Variants in SCT observed in about 807,000 individuals in gnomAD.
SCT encodes secretin.
SCT carries 17 observed loss-of-function variants against 10.9 expected under a neutral mutation model. The observed-to-expected ratio is 1.55, with a 90% confidence interval of 1.06 to 2.33. The LOEUF (loss-of-function observed/expected upper bound fraction) is 2.33, where lower values mean the gene tolerates loss of function less well. Ranked by LOEUF, SCT falls within the 30% of genes most tolerant of loss-of-function variation. SCT has a pLI of 0.00. For missense variants in SCT, 230 were observed against 165.9 expected (o/e 1.39, Z -2.12); for synonymous variants, 96 against 73.9 (o/e 1.30, Z -1.54).
Position 626,873 on chromosome 11 carries a change from C to T in SCT, c.173+15G>A, listed in dbSNP as rs1453166454. 1 of 1,544,470 alleles carries T rather than the reference C, an allele frequency of 6.5e-7. No individual in the cohort carries two copies. The highest frequency in any genetic ancestry group is 1.2e-5 in the South Asian group (1 of 83,934). Reference sequence around the variant, plus strand: ...GGGGCACCACGCCAGGACCCCCCACCCCACCCGGCCTCACCTGCGCTTCCC... The same window carrying T: ...GGGGCACCACGCCAGGACCCCCCACTCCACCCGGCCTCACCTGCGCTTCCC... On this transcript the variant is annotated intron_variant, in intron 2 of 3. Coordinates refer to ENST00000176195, the MANE Select transcript of SCT (RefSeq NM_021920.4).
chr11:626,680 G>T lies in SCT; in HGVS notation c.266+17C>A. 1.3e-6 allele frequency: 2 copies of T among 1,538,338 alleles called. No individual in the cohort carries two copies. The highest frequency in any genetic ancestry group is 1.8e-6 in the Non-Finnish European group (2 of 1,137,134). On this transcript the variant is annotated intron_variant, in intron 3 of 3. Coordinates refer to ENST00000176195, the MANE Select transcript of SCT (RefSeq NM_021920.4). ...GGTGGGGTCTGGAGTGGGGTCTGCG[G>T]TGGGGCGGGTGCTCACCAGGCCTGC...
rs1247698418 is a variant in SCT, at chr11:626,382, A to G, written c.*49T>C. On this transcript the variant is annotated 3_prime_UTR_variant, in exon 4 of 4. Coordinates refer to ENST00000176195, the MANE Select transcript of SCT (RefSeq NM_021920.4). ...TCTCCCCCATCCTGCCCCCCACCCC[A>G]AATGCAGCTGCGCTCCTGGGCCGGG... 3 of 1,423,538 alleles carry G rather than the reference A, an allele frequency of 2.1e-6. No homozygotes were observed. The highest frequency in any genetic ancestry group is 2.5e-5 in the East Asian group (1 of 40,226). 88.2% of individuals were successfully genotyped at this position (1,423,538 alleles called of 1,614,324 possible).
At chr11:626,838 C>T in intron 2 of SCT, 49 bp from the exon 3 acceptor site, 2 of 1,543,794 alleles carry the variant, frequency 1.3e-6, no homozygotes, top group Non-Finnish European at 1.8e-6. Flanking sequence ...GGGGGTCGCG[C>T]GTTGCTGCTG....
At position 626,942 on chromosome 11, in the gene SCT, A is replaced by T; in HGVS notation, c.119T>A (p.Leu40Gln). The T allele has an allele frequency of 6.8e-7, 1 of 1,475,904 alleles. No individual in the cohort carries two copies. Among genetic ancestry groups the T allele is most frequent in the African/African-American group, 1.4e-5 (1 of 70,976 alleles). The allele number at this position is 1,475,904 out of a possible 1,614,324, so 91.4% of individuals were successfully genotyped here. A position where few individuals can be genotyped will look rare whatever the true frequency, so the allele number is the denominator to read the frequency against. ...DGTFTSELSR[L>Q]REGARLQRLL... ...CCGCTGGAGCCGCGCGCCCTCCCGC[A>T]GGCGGCTGAGCTCGCTGGTGAACGT... The change falls in exon 2 of 4, where the codon CTG (leucine) becomes CAG (glutamine). Residue 40 changes from leucine (L) to glutamine (Q), a missense_variant. Transcript: ENST00000176195.
intron 2 of SCT, 23 bp from the exon 3 acceptor site, chr11:626,812 G>A: frequency 6.5e-7 from 1 of 1,548,070 alleles, no homozygotes; most frequent in African/African-American, 1.4e-5. Flanking sequence ...CCAAAACAGA[G>A]TTAGTCCTGG....
At chr11:626,675 C>T in intron 3 of SCT, 22 bp downstream of exon 3, 2 of 1,534,398 alleles carry the variant, frequency 1.3e-6, no homozygotes, top group Non-Finnish European at 1.8e-6. Context: ...GGAGTGGGGT[C>T]TGCGGTGGGG....
intron 3 of SCT, 77 bp downstream of exon 3, chr11:626,620 G>T (rs1283399486): frequency 6.8e-7 from 1 of 1,474,740 alleles, no homozygotes; most frequent in African/African-American, 1.4e-5. Flanking sequence ...CACCAGCGCT[G>T]ACCCGGGGAG....
rs777226341 is a variant in SCT at position 626,702 on chromosome 11, C to T, written c.261G>A (p.Gln87=). The change falls in exon 3 of 4, where the codon CAG becomes CAA. Residue 87 remains glutamine, a synonymous_variant. Coordinates refer to ENST00000176195, the MANE Select transcript of SCT (RefSeq NM_021920.4). The part of the protein sequence containing the change: ...CPSGSNMPIL[Q]AWMPLDGTWS... ...GCGGTGGGGCGGGTGCTCACCAGGC[C>T]TGCAGGATGGGCATGTTGGACCCTG... 2.6e-6 allele frequency: 4 copies of T among 1,548,922 alleles called. No homozygotes were observed. The highest frequency in any genetic ancestry group is 2.0e-5 in the Admixed American group (1 of 50,992).
chr11:627,124 A>G lies in SCT; in HGVS notation c.20T>C (p.Leu7Pro). Residue 7 changes from leucine (L) to proline (P), a missense_variant, in exon 1 of 4, where the codon CTG becomes CCG. By Grantham distance (98) the Leu-to-Pro change is moderately conservative (BLOSUM62 -3). Coordinates refer to ENST00000176195, the MANE Select transcript of SCT (RefSeq NM_021920.4). ...GCCCCCGAGGAGCAGCAGCAGCAGCAGGAGGGGCCGGGGGGCCATGGCGGG... is the reference window on the plus strand; with the variant it reads ...GCCCCCGAGGAGCAGCAGCAGCAGCGGGAGGGGCCGGGGGGCCATGGCGGG... MAPRPL[L>P]LLLLLLGGSA... is the part of the protein sequence containing the mutation. The G allele has an allele frequency of 1.3e-6, 1 of 795,600 alleles. No homozygotes were observed. The highest frequency in any genetic ancestry group is 1.6e-6 in the Non-Finnish European group (1 of 634,256). The allele number at this position is 795,600 out of a possible 1,614,324, so 49.3% of individuals were successfully genotyped here. A position where few individuals can be genotyped will look rare whatever the true frequency, so the allele number is the denominator to read the frequency against.
rs1338566688 is a variant in SCT at position 627,068 on chromosome 11, C to T, written c.71+5G>A. 1.6e-5 allele frequency: 19 copies of T among 1,199,752 alleles called. No individual in the cohort carries two copies. The East Asian group carries it at 6.4e-4, about 40-fold the overall frequency. The allele number at this position is 1,199,752 out of a possible 1,614,324, so 74.3% of individuals were successfully genotyped here. ...GGGGGCGGGCGGGCCTGGCGGGCGG[C>T]TCACCTGGGGGGCGCGGGGCGCGCG... On this transcript the variant is annotated splice_donor_5th_base_variant and intron_variant, in intron 1 of 3. Transcript: ENST00000176195.
rs1310727633 is a variant in SCT at position 626,486 on chromosome 11, G to A, written c.311C>T (p.Pro104Leu). Residue 104 changes from proline to leucine, a missense_variant, in exon 4 of 4, where the codon CCT (proline) becomes CTT (leucine). By Grantham distance (98) the Pro-to-Leu change is moderately conservative (BLOSUM62 -3). Coordinates refer to ENST00000176195, the MANE Select transcript of SCT (RefSeq NM_021920.4). ...GTWSPWLPPG[P>L]MVSEPAGAAA... ...AGCGCCAGCTGGTTCTGAAACCATA[G>A]GCCCAGGGGGCAGCCAGGGAGACCA... 2.6e-6 allele frequency: 4 copies of A among 1,560,280 alleles called. No homozygotes were observed. The highest frequency in any genetic ancestry group is 2.6e-6 in the Non-Finnish European group (3 of 1,151,960).
In SCT at chr11:626,789, G is replaced by A. The variant is rs1857765840; in HGVS notation, c.174C>T (p.Ser58=). 6.5e-7 allele frequency: 1 copy of A among 1,549,076 alleles called. No individual in the cohort carries two copies. The highest frequency in any genetic ancestry group is 2.4e-5 in the East Asian group (1 of 40,840). ...CCATGCTGTTCTCTGCGTCCTGCTC[G>A]CTGCCCCCCGCCCCAAAACAGAGTT... The part of the protein sequence containing the change: ...RLLQGLVGKR[S]EQDAENSMAW... The change falls in exon 3 of 4, where the codon AGC becomes AGT. Residue 58 remains serine (S), a splice_region_variant and synonymous_variant. Transcript: ENST00000176195.
chr11:627,023 C>T, intron 1 of SCT, 34 bp from the exon 2 acceptor site: 1 of 471,510 alleles, frequency 2.1e-6, no homozygotes. Context: ...TCAGGGCGCA[C>T]TGGGGGCGGG....
Position 626,714 on chromosome 11 carries a change from C to G in SCT, c.249G>C (p.Met83Ile), listed in dbSNP as rs1857760610. The part of the protein sequence containing the change: ...AGLLCPSGSN[M>I]PILQAWMPLD... ...GTGCTCACCAGGCCTGCAGGATGGG[C>G]ATGTTGGACCCTGACGGGCAGAGCA... The change falls in exon 3 of 4, where the codon ATG becomes ATC. Residue 83 changes from methionine (M) to isoleucine (I), a missense_variant. Met to Ile is a conservative substitution (Grantham distance 10). Coordinates refer to ENST00000176195, the MANE Select transcript of SCT (RefSeq NM_021920.4). 6.5e-7 allele frequency: 1 copy of G among 1,549,886 alleles called. No homozygotes were observed. The highest frequency in any genetic ancestry group is 8.7e-7 in the Non-Finnish European group (1 of 1,146,478).
rs1289117683 is a variant in SCT at position 626,717 on chromosome 11, G to A, written c.246C>T (p.Asn82=). The A allele has an allele frequency of 1.3e-6, 2 of 1,550,250 alleles. No individual in the cohort carries two copies. Among genetic ancestry groups the A allele is most frequent in the Admixed American group, 3.9e-5 (2 of 51,028 alleles). Residue 82 remains asparagine (N), a synonymous_variant, in exon 3 of 4, where the codon AAC becomes AAT. Transcript: ENST00000176195. ...SAGLLCPSGS[N]MPILQAWMPL... ...CTCACCAGGCCTGCAGGATGGGCAT[G>A]TTGGACCCTGACGGGCAGAGCAGAC...
chr11:626,331 T>C lies in SCT; in HGVS notation c.*100A>G, dbSNP rs1014854512. Reference sequence around the variant, plus strand: ...GCGTCTGGGTCTGATTCCTCCTTTATTGGTGCCAAGTACCACCCCTCCCCC... The same window carrying C: ...GCGTCTGGGTCTGATTCCTCCTTTACTGGTGCCAAGTACCACCCCTCCCCC... On this transcript the variant is annotated 3_prime_UTR_variant, in exon 4 of 4. Transcript: ENST00000176195. The C allele has an allele frequency of 3.6e-6, 3 of 825,388 alleles. No individual in the cohort carries two copies. The highest frequency in any genetic ancestry group is 1.6e-5 in the South Asian group (1 of 61,332). 51.1% of individuals were successfully genotyped at this position (825,388 alleles called of 1,614,324 possible).
Position 626,723 on chromosome 11 carries a change from C to A in SCT, c.240G>T (p.Gly80=). 1 of 1,550,338 alleles carries A rather than the reference C, an allele frequency of 6.5e-7. No individual in the cohort carries two copies. Among genetic ancestry groups the A allele is most frequent in the Non-Finnish European group, 8.7e-7 (1 of 1,146,734 alleles). ...RLSAGLLCPS[G]SNMPILQAWM... is the part of the protein sequence containing the mutation. ...AGGCCTGCAGGATGGGCATGTTGGA[C>A]CCTGACGGGCAGAGCAGACCCGCGC... is the stretch of plus-strand genomic sequence containing the variant. Residue 80 remains glycine, a synonymous_variant, in exon 3 of 4, where the codon GGG becomes GGT. Coordinates refer to ENST00000176195, the MANE Select transcript of SCT (RefSeq NM_021920.4).
chr11:626,496 G>GCAGCCAGGGAGACCAGGTCC lies in SCT; in HGVS notation c.281_300dup (p.Pro101GlyfsTer63). ...GGTTCTGAAACCATAGGCCCAGGGG[G>GCAGCCAGGGAGACCAGGTCC]CAGCCAGGGAGACCAGGTCCCGTCC... On this transcript the variant is annotated frameshift_variant, in exon 4 of 4. Coordinates refer to ENST00000176195, the MANE Select transcript of SCT (RefSeq NM_021920.4). LOFTEE classifies it low-confidence loss of function (END_TRUNC). The GCAGCCAGGGAGACCAGGTCC allele has an allele frequency of 6.4e-7, 1 of 1,561,524 alleles. No homozygotes were observed. Among genetic ancestry groups the GCAGCCAGGGAGACCAGGTCC allele is most frequent in the Non-Finnish European group, 8.7e-7 (1 of 1,152,624 alleles).
chr11:626,963 AAC>A lies in SCT; in HGVS notation c.96_97del (p.Phe33HisfsTer?). 1 of 1,532,090 alleles carries A rather than the reference AAC, an allele frequency of 6.5e-7. No individual in the cohort carries two copies. Among genetic ancestry groups the A allele is most frequent in the Non-Finnish European group, 8.7e-7 (1 of 1,145,076 alleles). The allele number at this position is 1,532,090 out of a possible 1,614,324, so 94.9% of individuals were successfully genotyped here. A position where few individuals can be genotyped will look rare whatever the true frequency, so the allele number is the denominator to read the frequency against. ...CCGCAGGCGGCTGAGCTCGCTGGTG[AAC>A]GTCCCGTCTGAGTGTCGCCGGGCCC... is the stretch of plus-strand genomic sequence containing the variant. On this transcript the variant is annotated frameshift_variant, in exon 2 of 4. Coordinates refer to ENST00000176195, the MANE Select transcript of SCT (RefSeq NM_021920.4). LOFTEE classifies it high-confidence loss of function.
Sources: allele counts gnomAD v4.1 joint callset, GRCh38; gene constraint gnomAD v4.1.1; transcripts MANE v1.5; gene names NCBI Gene and HGNC (gene_info 2026-07-23, HGNC 2026-07-21).